Variants in DACH2 observed in about 807,000 individuals in gnomAD.
The protein encoded by DACH2 is dachshund homolog 2.
A neutral mutation model predicts 35.8 loss-of-function variants in DACH2; 17 were observed. The observed-to-expected ratio is 0.48, with a 90% CI of 0.33 to 0.71. DACH2 has a LOEUF of 0.71. DACH2 is among the 30% of genes least tolerant of loss of function. The probability of loss-of-function intolerance (pLI) is 0.02; values close to 1 mark genes in which losing one functional copy is unlikely to be tolerated. For missense variants in DACH2, 469 were observed against 472.7 expected, an observed-to-expected ratio of 0.99 and a Z score of 0.07; for synonymous variants, 195 against 177.3, an observed-to-expected ratio of 1.10 and a Z score of -0.79.
chrX:86,408,522 TA>T (rs1403962105), intron 2 of DACH2, among the ~76,000 whole-genome samples: 3 of 112,143 alleles, frequency 2.7e-5, no homozygotes, highest in African/African-American at 9.7e-5. Context: ...ATTACATAAA[TA>T]ATGTCTTTTA....
At chrX:86,153,889 T>A (rs242843) in intron 1 of DACH2, among the ~76,000 whole-genome samples, 26,274 of 111,030 alleles carry the variant, frequency 0.24, 4,501 homozygotes, top group African/African-American at 0.61. Context: ...TAGGTGATGG[T>A]TACTACATTA....
intron 2 of DACH2, among the ~76,000 whole-genome samples, chrX:86,464,872 G>T (rs2037639163): frequency 9.0e-6 from 1 of 110,874 alleles, no homozygotes; most frequent in African/African-American, 3.3e-5. Context: ...ATTAAGAAAA[G>T]AACATAACTG....
chrX:86,553,963 A>T (rs2039083744), intron 3 of DACH2, among the ~76,000 whole-genome samples: 1 of 107,695 alleles, frequency 9.3e-6, no homozygotes, highest in Non-Finnish European at 1.9e-5. Flanking sequence ...GCTCAGGATA[A>T]TTTTTTTTTT....
At chrX:86,403,255 G>C (rs906485507) in intron 2 of DACH2, among the ~76,000 whole-genome samples, 1 of 111,778 alleles carries the variant, frequency 8.9e-6, no homozygotes, top group Non-Finnish European at 1.9e-5. Flanking sequence ...GCAAACTACA[G>C]AATGGGAGAA....
At chrX:86,356,592 G>A (rs1049061165) in intron 1 of DACH2, among the ~76,000 whole-genome samples, 13 of 111,255 alleles carry the variant, frequency 1.2e-4, no homozygotes, top group African/African-American at 3.9e-4. Context: ...AGCTTGATAG[G>A]AATAGCACTG....
At chrX:86,431,182 G>A (rs1022541705) in intron 2 of DACH2, among the ~76,000 whole-genome samples, 7 of 111,687 alleles carry the variant, frequency 6.3e-5, no homozygotes, top group Non-Finnish European at 1.3e-4. Context: ...AAGCAAATTT[G>A]CATCTCTCTC....
intron 2 of DACH2, among the ~76,000 whole-genome samples, chrX:86,470,610 T>A (rs1049416105): frequency 9.0e-5 from 10 of 111,337 alleles, no homozygotes; most frequent in Non-Finnish European, 1.9e-4. Context: ...AGTGGAATAA[T>A]GGATATTGGA....
chrX:86,431,709 A>G (rs1234583713), intron 2 of DACH2, among the ~76,000 whole-genome samples: 1 of 111,820 alleles, frequency 8.9e-6, no homozygotes, highest in Non-Finnish European at 1.9e-5. Context: ...GGCCATTTGT[A>G]CAGTCTCTTA....
intron 1 of DACH2, among the ~76,000 whole-genome samples, chrX:86,335,701 C>A (rs755541831): frequency 6.3e-5 from 7 of 111,648 alleles, no homozygotes; most frequent in Non-Finnish European, 1.1e-4. Context: ...CAAACAGAGA[C>A]AATTTGACTT....
At chrX:86,212,596 C>T (rs927970794) in intron 1 of DACH2, among the ~76,000 whole-genome samples, 2 of 110,726 alleles carry the variant, frequency 1.8e-5, no homozygotes, top group Non-Finnish European at 3.8e-5. Flanking sequence ...ATTTGCCTGC[C>T]TTTTTGTCTG....
At chrX:86,338,722 C>T (rs1262594582) in intron 1 of DACH2, among the ~76,000 whole-genome samples, 1 of 111,361 alleles carries the variant, frequency 9.0e-6, no homozygotes, top group African/African-American at 3.3e-5. Flanking sequence ...AAGATCAGAG[C>T]AGAACTGAAG....
chrX:86,181,069 CAT>C (rs2031472256), intron 1 of DACH2, among the ~76,000 whole-genome samples: 1 of 110,613 alleles, frequency 9.0e-6, no homozygotes, highest in South Asian at 3.8e-4. Flanking sequence ...TTTCCCCAAA[CAT>C]AGATGGTGCA....
intron 3 of DACH2, among the ~76,000 whole-genome samples, chrX:86,615,705 A>T (rs941886137): frequency 9.0e-6 from 1 of 110,715 alleles, no homozygotes; most frequent in South Asian, 3.8e-4. Flanking sequence ...TCATCCTGTA[A>T]CCGGTATTAT....
At chrX:86,450,247 C>G (rs1307233850) in intron 2 of DACH2, among the ~76,000 whole-genome samples, 5 of 110,554 alleles carry the variant, frequency 4.5e-5, no homozygotes, top group African/African-American at 6.6e-5. Context: ...ACAACAGGCC[C>G]CAGTGTATGT....
At chrX:86,406,020 C>T (rs193250234) in intron 2 of DACH2, among the ~76,000 whole-genome samples, 25 of 111,263 alleles carry the variant, frequency 2.2e-4, no homozygotes, top group African/African-American at 8.2e-4. Flanking sequence ...AGGAAACTGC[C>T]CAATGATTCA....
chrX:86,636,046 G>A (rs1273767260), intron 3 of DACH2, among the ~76,000 whole-genome samples: 1 of 111,683 alleles, frequency 9.0e-6, no homozygotes, highest in Non-Finnish European at 1.9e-5. Flanking sequence ...AATTCATATG[G>A]AGCCAAAATG....
chrX:86,799,717 A>G (rs912727460), intron 7 of DACH2, among the ~76,000 whole-genome samples: 1 of 112,492 alleles, frequency 8.9e-6, no homozygotes, highest in Admixed American at 9.5e-5. Context: ...TTCTTGAAAC[A>G]TTAAGTAAAT....
chrX:86,306,219 C>A, intron 1 of DACH2, among the ~76,000 whole-genome samples: 1 of 111,677 alleles, frequency 9.0e-6, no homozygotes, highest in Non-Finnish European at 1.9e-5. Flanking sequence ...AGATGAATAG[C>A]TAAAGAAAAT....
rs188984961 is a variant in DACH2, at chrX:86,439,678, T to C, written c.527+62816T>C. Reference sequence around the variant, plus strand: ...TCTGCTCAGTTTGGATTTAATTTGCTTTTTTCTTTTTTTAGTTTCTTAAGG... The same window carrying C: ...TCTGCTCAGTTTGGATTTAATTTGCCTTTTTCTTTTTTTAGTTTCTTAAGG... On this transcript the variant is annotated intron_variant, in intron 2 of 11. Coordinates refer to ENST00000373125, the MANE Select transcript of DACH2 (RefSeq NM_053281.3). 2.7e-5 allele frequency among the ~76,000 whole-genome samples: 3 copies of C among 111,725 alleles called. No homozygotes were observed. In the Admixed American group the frequency reaches 2.9e-4, roughly 11 times the overall value.
Sources: gnomAD v4.1 joint callset for allele counts (sites outside exome capture counted in the v4.1 genomes callset) on GRCh38, gnomAD v4.1.1 for gene constraint, MANE v1.5 for transcripts, NCBI Gene and HGNC (gene_info 2026-07-23, HGNC 2026-07-21) for gene names.